ASPM: variants seen among roughly 807,000 people sequenced by gnomAD.
ASPM encodes the protein abnormal spindle-like microcephaly-associated protein.
Under a neutral mutation model 366.4 loss-of-function variants are expected in ASPM, and 256 were observed. The ratio of observed to expected loss-of-function variants is 0.70; its 90% confidence interval spans 0.63 to 0.77. The LOEUF is 0.77. ASPM is among the 30% of genes least tolerant of loss of function. ASPM has a pLI of 0.00. For synonymous variants in ASPM, 1,414 were observed against 1,342.9 expected (o/e 1.05, Z -1.16); for missense variants, 4,146 against 4,090.4 (o/e 1.01, Z -0.37).
chr1:197,118,815 C>T (rs1657819456), intron 16 of ASPM, among the ~76,000 whole-genome samples: 1 of 152,074 alleles, frequency 6.6e-6, no homozygotes, highest in South Asian at 2.1e-4. Context: ...GGCAGTTTGG[C>T]TTTAAAGTAA....
At chr1:197,139,189 C>T in intron 4 of ASPM, 1 of 965,694 alleles carries the variant, frequency 1.0e-6, no homozygotes, top group Non-Finnish European at 1.7e-6. Context: ...TTAACGAAGT[C>T]ACAGTGATTT....
At chr1:197,108,067 T>G (rs991840674) in intron 17 of ASPM, among the ~76,000 whole-genome samples, 9 of 152,146 alleles carry the variant, frequency 5.9e-5, no homozygotes, top group African/African-American at 1.9e-4. Context: ...AATCACAGTA[T>G]GTGCTCTGGT....
In ASPM at chr1:197,142,877, A is replaced by G. The variant is rs1219156281; in HGVS notation, c.1375T>C (p.Ser459Pro). The change falls in exon 3 of 28, where the codon TCA becomes CCA. Residue 459 changes from serine (S) to proline (P), a missense_variant. By Grantham distance (74) the Ser-to-Pro change is moderately conservative. Coordinates refer to ENST00000367409, the MANE Select transcript of ASPM (RefSeq NM_018136.5). Reference protein sequence around the residue: ...AIFEELVEMKSNYYSFIKQNN... With the variant: ...AIFEELVEMKPNYYSFIKQNN... ...TGTTTTATAAAACTGTAGTAATTTG[A>G]CTTCATTTCTACTAGTTCTTCAAAA... 2.5e-6 allele frequency: 4 copies of G among 1,612,796 alleles called. No homozygotes were observed. In the Middle Eastern group the frequency reaches 4.9e-4, roughly 199 times the overall value.
chr1:197,103,115 C>A lies in ASPM; in HGVS notation c.6136G>T (p.Ala2046Ser). 3 of 1,612,766 alleles carry A rather than the reference C, an allele frequency of 1.9e-6. No individual in the cohort carries two copies. The highest frequency in any genetic ancestry group is 2.5e-6 in the Non-Finnish European group (3 of 1,179,326). ...VRKRIKDCNK[A>S]AVTIQSKYRA... is the part of the protein sequence containing the mutation. ...TATTTAGACTGTATAGTGACTGCTG[C>A]TTTGTTGCAATCCTTTATTCTTTTT... The change falls in exon 18 of 28, where the codon GCA (alanine) becomes TCA (serine). Residue 2046 changes from alanine to serine, a missense_variant. This residue lies in a region of ASPM where 3,624 missense variants were observed against 3,591.7 expected (regional missense o/e 1.01). Transcript: ENST00000367409.
chr1:197,126,798 G>A (rs184789171), intron 10 of ASPM, among the ~76,000 whole-genome samples: 17 of 152,202 alleles, frequency 1.1e-4, no homozygotes, highest in South Asian at 8.3e-4. Context: ...TTCAAAAACC[G>A]GAGATTCATA....
rs541171955 is a variant in ASPM at position 197,104,956 on chromosome 1, C to G, written c.4295G>C (p.Arg1432Thr). ...SSTLIIQSMF[R>T]KWKQRKMQSQ... ...TTGCATTTTACGTTGCTTCCATTTT[C>G]TGAACATAGATTGGATTATAAGAGT... Residue 1432 changes from arginine to threonine, a missense_variant, in exon 18 of 28, where the codon AGA becomes ACA. Arg to Thr is a moderately conservative substitution (Grantham distance 71). Around this residue, in one of 3 missense-constraint regions of ASPM, gnomAD observed 3,624 missense variants for 3,591.7 expected, o/e 1.01. Transcript: ENST00000367409. 2.5e-6 allele frequency: 4 copies of G among 1,612,080 alleles called. No homozygotes were observed. The Admixed American group carries it at 5.0e-5, about 20-fold the overall frequency.
rs199422133 is a variant in ASPM at position 197,143,957 on chromosome 1, CT to C, written c.440del (p.Lys147ArgfsTer54). ...LGNAEEQKKK[K>X]RSLWDTIKKK... ...AATCACAGAATGGTTAAAACATTACCTTTTTCTTTTTCTGCTCTTCTGCATT... is the reference window on the plus strand; with the variant it reads ...AATCACAGAATGGTTAAAACATTACCTTTTCTTTTTCTGCTCTTCTGCATT... On this transcript the variant is annotated frameshift_variant and splice_region_variant, in exon 2 of 28. Coordinates refer to ENST00000367409, the MANE Select transcript of ASPM (RefSeq NM_018136.5). LOFTEE classifies it high-confidence loss of function. The C allele has an allele frequency of 6.2e-7, 1 of 1,604,006 alleles. No individual in the cohort carries two copies. The highest frequency in any genetic ancestry group is 8.5e-7 in the Non-Finnish European group (1 of 1,171,552).
chr1:197,097,232 AAAAC>A (rs1656999705), intron 18 of ASPM, among the ~76,000 whole-genome samples: 1 of 151,726 alleles, frequency 6.6e-6, no homozygotes, highest in Non-Finnish European at 1.5e-5. Flanking sequence ...CTCAAGTTGT[AAAAC>A]ATGTTGTTCC....
chr1:197,103,255 A>T lies in ASPM; in HGVS notation c.5996T>A (p.Leu1999Gln), dbSNP rs1657262937. 6.2e-7 allele frequency: 1 copy of T among 1,612,792 alleles called. No homozygotes were observed. The highest frequency in any genetic ancestry group is 1.3e-5 in the African/African-American group (1 of 74,842). ...GTAAGCCCTATAATACTTTTGAATC[A>T]GAAGAGCAGCTTTTTTCATGATTTT... ...KWKIMKKAAL[L>Q]IQKYYRAYSI... is the part of the protein sequence containing the mutation. Residue 1999 changes from leucine to glutamine, a missense_variant, in exon 18 of 28, where the codon CTG becomes CAG. Physicochemically the swap from Leu to Gln is moderately radical, Grantham distance 113. This residue lies in a region of ASPM where 3,624 missense variants were observed against 3,591.7 expected (regional missense o/e 1.01). Transcript: ENST00000367409.
rs1247254759 is a variant in ASPM at position 197,128,510 on chromosome 1, C to CA, written c.2915dup (p.Leu972PhefsTer39). ...CGTACACAAGGCGCACTCCACATTGCAAGTCTACGGCAAGATTTGTAACGG... is the reference window on the plus strand; with the variant it reads ...CGTACACAAGGCGCACTCCACATTGCAAAGTCTACGGCAAGATTTGTAACGG... On this transcript the variant is annotated frameshift_variant, in exon 10 of 28. Transcript: ENST00000367409. LOFTEE classifies it high-confidence loss of function. 1 of 1,613,400 alleles carries CA rather than the reference C, an allele frequency of 6.2e-7. No homozygotes were observed. Among genetic ancestry groups the CA allele is most frequent in the Admixed American group, 1.7e-5 (1 of 59,994 alleles).
In ASPM at chr1:197,117,806, C is replaced by T. The variant is rs758550029; in HGVS notation, c.4048G>A (p.Ala1350Thr). 7 of 1,612,352 alleles carry T rather than the reference C, an allele frequency of 4.3e-6. No homozygotes were observed. Among genetic ancestry groups the T allele is most frequent in the Non-Finnish European group, 5.9e-6 (7 of 1,179,304 alleles). Residue 1350 changes from alanine (A) to threonine (T), a missense_variant, in exon 17 of 28, where the codon GCA (alanine) becomes ACA (threonine). Ala to Thr is a moderately conservative substitution (Grantham distance 58). This residue lies in a region of ASPM where 3,624 missense variants were observed against 3,591.7 expected (regional missense o/e 1.01). Coordinates refer to ENST00000367409, the MANE Select transcript of ASPM (RefSeq NM_018136.5). ...TACTATACCTGAATAAGTGATGCTG[C>T]TTTATTTTGAACTTTTTCCAGCTTT... ...KEKLEKVQNK[A>T]ASLIQGYWRR... is the part of the protein sequence containing the mutation.
At chr1:197,087,753 A>G (rs1157564559) in intron 26 of ASPM, among the ~76,000 whole-genome samples, 1 of 152,168 alleles carries the variant, frequency 6.6e-6, no homozygotes, top group Non-Finnish European at 1.5e-5. Flanking sequence ...TCATTCTTCA[A>G]TCAGAAGCCA....
chr1:197,129,645 G>C (rs1326060512), intron 8 of ASPM, among the ~76,000 whole-genome samples: 3 of 152,112 alleles, frequency 2.0e-5, no homozygotes, highest in Non-Finnish European at 4.4e-5. Context: ...GTAGGTGTTA[G>C]ATATACAGTA....
Position 197,141,052 on chromosome 1 carries a change from C to T in ASPM, c.1922-1181G>A, listed in dbSNP as rs114894716. Among the ~76,000 whole-genome samples, 1,114 of 152,182 alleles carry T rather than the reference C, an allele frequency of 7.3e-3. 13 individuals carry two copies. The highest frequency in any genetic ancestry group is 0.025 in the African/African-American group (1,057 of 41,496). ...AAAACAGGTTTCACAACAAAATATACTGCTACTAAATATAAGCAAAGAGAC... is the reference window on the plus strand; with the variant it reads ...AAAACAGGTTTCACAACAAAATATATTGCTACTAAATATAAGCAAAGAGAC... On this transcript the variant is annotated intron_variant, in intron 3 of 27. Transcript: ENST00000367409.
rs763018188 is a variant in ASPM at position 197,104,810 on chromosome 1, A to T, written c.4441T>A (p.Leu1481Ile). Residue 1481 changes from leucine to isoleucine, a missense_variant, in exon 18 of 28, where the codon TTA becomes ATA. Coordinates refer to ENST00000367409, the MANE Select transcript of ASPM (RefSeq NM_018136.5). ...GATCTAATATAAATATATTTCCGTA[A>T]TTCTTTATGCATTCTATACCATGAT... ...IQSWYRMHKE[L>I]RKYIYIRSCV... is the part of the protein sequence containing the mutation. 13 of 1,579,514 alleles carry T rather than the reference A, an allele frequency of 8.2e-6. No homozygotes were observed. Among genetic ancestry groups the T allele is most frequent in the Non-Finnish European group, 3.4e-6 (4 of 1,166,262 alleles).
Position 197,115,170 on chromosome 1 carries a change from A to T in ASPM, c.4065+2619T>A, listed in dbSNP as rs183984828. On this transcript the variant is annotated intron_variant, in intron 17 of 27. Coordinates refer to ENST00000367409, the MANE Select transcript of ASPM (RefSeq NM_018136.5). Reference sequence around the variant, plus strand: ...TGAGATTATAGGAATGAGCTACCACACTTGGCTACCAGGAGTAGATCCCAT... The same window carrying T: ...TGAGATTATAGGAATGAGCTACCACTCTTGGCTACCAGGAGTAGATCCCAT... 2.6e-5 allele frequency among the ~76,000 whole-genome samples: 4 copies of T among 152,236 alleles called. No individual in the cohort carries two copies. In the East Asian group the frequency reaches 7.7e-4, roughly 29 times the overall value.
At chr1:197,084,518 T>C (rs1480228343) in intron 27 of ASPM, 92 bp from the exon 28 acceptor site, 2 of 794,090 alleles carry the variant, frequency 2.5e-6, no homozygotes, top group African/African-American at 3.4e-5. Context: ...TTGTAGCTAC[T>C]CCTGAACACA....
rs2125095560 is a variant in ASPM, at chr1:197,103,393, A to C, written c.5858T>G (p.Val1953Gly). 1 of 1,613,272 alleles carries C rather than the reference A, an allele frequency of 6.2e-7. No individual in the cohort carries two copies. ...EYIELRHAVLVLQSMWKGKTL... is the reference protein window; with the variant it reads ...EYIELRHAVLGLQSMWKGKTL... ...TTTTCCCTTCCACATAGATTGAAGC[A>C]CCAGTACCGCATGACGGAGTTCAAT... Residue 1953 changes from valine to glycine, a missense_variant, in exon 18 of 28, where the codon GTG becomes GGG. Around this residue, in one of 3 missense-constraint regions of ASPM, gnomAD observed 3,624 missense variants for 3,591.7 expected, o/e 1.01. Coordinates refer to ENST00000367409, the MANE Select transcript of ASPM (RefSeq NM_018136.5).
At position 197,101,377 on chromosome 1, in the gene ASPM, T is replaced by G. The variant is rs1571598038; in HGVS notation, c.7874A>C (p.His2625Pro). 3 of 1,609,548 alleles carry G rather than the reference T, an allele frequency of 1.9e-6. No homozygotes were observed. The highest frequency in any genetic ancestry group is 1.1e-5 in the South Asian group (1 of 91,002). Residue 2625 changes from histidine to proline, a missense_variant, in exon 18 of 28, where the codon CAC becomes CCC. Coordinates refer to ENST00000367409, the MANE Select transcript of ASPM (RefSeq NM_018136.5). ...MNIKKQIQEQ[H>P]QAAIIIQKHC... Reference sequence around the variant, plus strand: ...CTTCTGAATAATAATGGCAGCCTGGTGCTGTTCCTGAATCTGTTTTTTTAT... The same window carrying G: ...CTTCTGAATAATAATGGCAGCCTGGGGCTGTTCCTGAATCTGTTTTTTTAT...
Sources: gnomAD v4.1 joint callset for allele counts (sites outside exome capture counted in the v4.1 genomes callset) on GRCh38, gnomAD v4.1.1 for gene constraint, gnomAD v4.1.1 regional missense constraint, MANE v1.5 for transcripts, NCBI Gene and HGNC (gene_info 2026-07-23, HGNC 2026-07-21) for gene names.